ZMYM6: variants seen among roughly 807,000 people sequenced by gnomAD.
ZMYM6 encodes zinc finger MYM-type containing 6.
A neutral mutation model predicts 134.0 loss-of-function variants in ZMYM6; 90 were observed. The observed-to-expected ratio is 0.67, with a 90% CI of 0.57 to 0.80. The LOEUF (loss-of-function observed/expected upper bound fraction) is 0.80, where lower values mean the gene tolerates loss of function less well. Among genes scored for constraint, ZMYM6 ranks in the 30% least tolerant of loss-of-function variants. The probability of loss-of-function intolerance (pLI) is 0.00; values close to 1 mark genes in which losing one functional copy is unlikely to be tolerated. For missense variants in ZMYM6, 1,362 were observed against 1,533.9 expected (o/e 0.89, Z 1.87); for synonymous variants, 481 against 524.1 (o/e 0.92, Z 1.12).
At chr1:35,015,492 G>A (rs1361102836) in intron 4 of ZMYM6, among the ~76,000 whole-genome samples, 5 of 151,794 alleles carry the variant, frequency 3.3e-5, no homozygotes, top group Non-Finnish European at 5.9e-5. Context: ...TTGGGAGGCC[G>A]AGGTGGGCGG....
chr1:35,030,499 G>A, intron 2 of ZMYM6, 48 bp downstream of exon 2: 2 of 1,561,850 alleles, frequency 1.3e-6, no homozygotes, highest in Admixed American at 2.0e-5. Context: ...TGACCAGATG[G>A]AAAAGAAGGA....
At position 34,997,939 on chromosome 1, in the gene ZMYM6, T is replaced by C. The variant is rs141985691; in HGVS notation, c.1993-5552A>G. 5.9e-5 allele frequency among the ~76,000 whole-genome samples: 9 copies of C among 152,298 alleles called. No individual in the cohort carries two copies. The East Asian group carries it at 1.7e-3, about 29-fold the overall frequency. ...TTTATTAAATAATCCATATTTTTCC[T>C]ACTGATCTGAAATGCCACCTCTATC... On this transcript the variant is annotated intron_variant, in intron 14 of 15. Transcript: ENST00000357182.
intron 13 of ZMYM6, among the ~76,000 whole-genome samples, chr1:35,004,863 C>T (rs985838990): frequency 6.6e-6 from 1 of 151,912 alleles, no homozygotes; most frequent in African/African-American, 2.4e-5. Context: ...TTTGAGATCA[C>T]CCTAGCCAAC....
intron 11 of ZMYM6, 53 bp from the exon 12 acceptor site, chr1:35,007,151 G>T: frequency 6.6e-7 from 1 of 1,519,560 alleles, no homozygotes; most frequent in Non-Finnish European, 8.8e-7. Context: ...ATAATGAAAA[G>T]ATAACATTAA....
At chr1:35,026,759 C>T (rs1641421906) in intron 2 of ZMYM6, among the ~76,000 whole-genome samples, 1 of 152,088 alleles carries the variant, frequency 6.6e-6, no homozygotes, top group Non-Finnish European at 1.5e-5. Flanking sequence ...TCACTTATTC[C>T]TTCAGGTTCA....
At chr1:35,026,377 C>T (rs1292538414) in intron 2 of ZMYM6, among the ~76,000 whole-genome samples, 1 of 152,146 alleles carries the variant, frequency 6.6e-6, no homozygotes, top group Non-Finnish European at 1.5e-5. Context: ...AAATAAAAAA[C>T]ATTTTTATTT....
chr1:35,000,903 A>G (rs1640869293), intron 14 of ZMYM6, among the ~76,000 whole-genome samples: 1 of 152,138 alleles, frequency 6.6e-6, no homozygotes, highest in Non-Finnish European at 1.5e-5. Context: ...GGATAGTGGG[A>G]ATATCATAGA....
In ZMYM6 at chr1:34,988,835, T is replaced by C; in HGVS notation, c.2247A>G (p.Leu749=). Residue 749 remains leucine (L), a synonymous_variant, in exon 16 of 16, where the codon TTA becomes TTG. Transcript: ENST00000357182. ...CAGGACAGATAATAAAACCAACTTTTAAATATTCTGTATCATAAGTCTGGA... is the reference window on the plus strand; with the variant it reads ...CAGGACAGATAATAAAACCAACTTTCAAATATTCTGTATCATAAGTCTGGA... The part of the protein sequence containing the change: ...GFFQTYDTEY[L]KVGFIICPGS... 6.3e-7 allele frequency: 1 copy of C among 1,579,932 alleles called. No homozygotes were observed. The highest frequency in any genetic ancestry group is 8.6e-7 in the Non-Finnish European group (1 of 1,160,454).
chr1:35,029,349 C>T (rs964675236), intron 2 of ZMYM6, among the ~76,000 whole-genome samples: 1 of 152,074 alleles, frequency 6.6e-6, no homozygotes, highest in Non-Finnish European at 1.5e-5. Flanking sequence ...GGATTTGAAT[C>T]CAGTCTTTGT....
chr1:35,008,955 A>C (rs1158061614), intron 10 of ZMYM6, 31 bp from the exon 11 acceptor site: 2 of 1,593,458 alleles, frequency 1.3e-6, no homozygotes, highest in Non-Finnish European at 1.7e-6. Flanking sequence ...AGGAAGAAAA[A>C]TCAAATTTAC....
intron 13 of ZMYM6, among the ~76,000 whole-genome samples, chr1:35,004,869 C>A (rs1192045916): frequency 1.3e-5 from 2 of 151,992 alleles, no homozygotes; most frequent in African/African-American, 4.8e-5. Context: ...ATCACCCTAG[C>A]CAACACGGTG....
At chr1:35,007,248 A>T in intron 11 of ZMYM6, 150 bp from the exon 12 acceptor site, 1 of 745,378 alleles carries the variant, frequency 1.3e-6, no homozygotes, top group Admixed American at 3.9e-5. Context: ...TACTGATTTT[A>T]TTTAATTATT....
At chr1:35,013,293 A>T (rs12091608) in intron 6 of ZMYM6, 6 of 879,508 alleles carry the variant, frequency 6.8e-6, no homozygotes, top group African/African-American at 1.8e-5. Flanking sequence ...GTAGGAAATT[A>T]AACTCATTTC....
chr1:35,022,545 T>TCTTACAGTTAGTCAAAAGCAA (rs1641329816), intron 2 of ZMYM6, among the ~76,000 whole-genome samples: 1 of 152,064 alleles, frequency 6.6e-6, no homozygotes, highest in African/African-American at 2.4e-5. Context: ...ATTACAGGCA[T>TCTTACAGTTAGTCAAAAGCAA]GAGCCACCGC....
chr1:34,992,378 G>A lies in ZMYM6; in HGVS notation c.2002C>T (p.Gln668Ter). ...AAKIIQDEST[Q>*]EDAMKFPSSQ... is the part of the protein sequence containing the mutation. ...GATGGAAATTTCATAGCATCTTCCT[G>A]TGTACTTTCCTAGTTAAAAGCAAAT... Residue 668 changes from glutamine to a stop codon, truncating the protein, a stop_gained, in exon 15 of 16, where the codon CAG becomes TAG. Coordinates refer to ENST00000357182, the MANE Select transcript of ZMYM6 (RefSeq NM_007167.4). LOFTEE classifies it high-confidence loss of function. 1 of 1,613,140 alleles carries A rather than the reference G, an allele frequency of 6.2e-7. No homozygotes were observed. The highest frequency in any genetic ancestry group is 8.5e-7 in the Non-Finnish European group (1 of 1,179,694).
Position 34,988,742 on chromosome 1 carries a change from C to T in ZMYM6, c.2340G>A (p.Met780Ile), listed in dbSNP as rs1224031275. The T allele has an allele frequency of 6.4e-7, 1 of 1,551,482 alleles. No individual in the cohort carries two copies. The highest frequency in any genetic ancestry group is 1.4e-5 in the African/African-American group (1 of 73,156). Reference sequence around the variant, plus strand: ...AATGATGAGAAAGATTTGCTGGCTTCATGTTTTCACTGGATAAGATCTCTC... The same window carrying T: ...AATGATGAGAAAGATTTGCTGGCTTTATGTTTTCACTGGATAAGATCTCTC... Reference protein sequence around the residue: ...ICGEILSSENMKPANLSHHLK... With the variant: ...ICGEILSSENIKPANLSHHLK... Residue 780 changes from methionine (M) to isoleucine (I), a missense_variant, in exon 16 of 16, where the codon ATG becomes ATA. Around this residue, in one of 3 missense-constraint regions of ZMYM6, gnomAD observed 824 missense variants for 940.9 expected, o/e 0.88. Transcript: ENST00000357182.
intron 2 of ZMYM6, among the ~76,000 whole-genome samples, chr1:35,027,015 A>G (rs540600142): frequency 5.3e-5 from 8 of 152,328 alleles, no homozygotes; most frequent in Admixed American, 2.0e-4. Context: ...AATTAAAAAA[A>G]AGAGAGAGAG....
At chr1:35,022,689 T>C (rs1557586976) in intron 2 of ZMYM6, among the ~76,000 whole-genome samples, 1 of 152,200 alleles carries the variant, frequency 6.6e-6, no homozygotes, top group Non-Finnish European at 1.5e-5. Flanking sequence ...GTCTCTCCCA[T>C]CTCCTTTCTC....
intron 4 of ZMYM6, among the ~76,000 whole-genome samples, chr1:35,015,454 G>A (rs937559284): frequency 3.3e-5 from 5 of 151,886 alleles, no homozygotes; most frequent in African/African-American, 4.8e-5. Flanking sequence ...GGCCAGGTGC[G>A]GTGGTTCATG....
Sources: allele counts gnomAD v4.1 joint callset (sites outside exome capture counted in the v4.1 genomes callset), GRCh38; gene constraint gnomAD v4.1.1; regional missense constraint gnomAD v4.1.1; transcripts MANE v1.5; gene names NCBI Gene and HGNC (gene_info 2026-07-23, HGNC 2026-07-21).